Variants in UMAD1 observed in about 807,000 individuals in gnomAD.
The protein encoded by UMAD1 is UBAP1-MVB12-associated (UMA)-domain containing protein 1.
UMAD1 carries 8 observed loss-of-function variants against 6.1 expected under a neutral mutation model. That is an observed-to-expected ratio of 1.30 (90% CI 0.76 to 2.35). The LOEUF is 2.35. Ranked by LOEUF, UMAD1 falls within the 30% of genes most tolerant of loss-of-function variation. The probability of loss-of-function intolerance (pLI) is 0.00; values close to 1 mark genes in which losing one functional copy is unlikely to be tolerated. For missense variants in UMAD1, 130 were observed against 78.4 expected, an observed-to-expected ratio of 1.66 and a Z score of -2.49; for synonymous variants, 56 against 31.4, an observed-to-expected ratio of 1.78 and a Z score of -2.61.
At chr7:7,689,635 A>G (rs566761413) in intron 2 of UMAD1, among the ~76,000 whole-genome samples, 1 of 152,242 alleles carries the variant, frequency 6.6e-6, no homozygotes, top group Non-Finnish European at 1.5e-5. Flanking sequence ...ATGGAAATGT[A>G]TTTATATGTA....
At chr7:7,649,684 T>TG (rs1386571678) in intron 1 of UMAD1, among the ~76,000 whole-genome samples, 5 of 131,990 alleles carry the variant, frequency 3.8e-5, no homozygotes, top group African/African-American at 1.2e-4. Context: ...GTATTCTTGT[T>TG]GGTGGGGGGG....
At chr7:7,843,250 A>G (rs55643119) in intron 3 of UMAD1, among the ~76,000 whole-genome samples, 13,561 of 152,262 alleles carry the variant, frequency 0.089, 732 homozygotes, top group Non-Finnish European at 0.12. Context: ...AGGTGTCCCT[A>G]TCAGGGCCCA....
At chr7:7,789,580 A>G (rs538854328) in intron 2 of UMAD1, among the ~76,000 whole-genome samples, 4 of 152,018 alleles carry the variant, frequency 2.6e-5, no homozygotes, top group African/African-American at 9.7e-5. Flanking sequence ...TCTAGAACTA[A>G]AACTGAAACT....
chr7:7,685,235 G>A (rs1417838004), intron 2 of UMAD1, among the ~76,000 whole-genome samples: 5 of 151,588 alleles, frequency 3.3e-5, no homozygotes, highest in Admixed American at 1.3e-4. Flanking sequence ...ATCATATTGA[G>A]CATCTGTTTT....
chr7:7,699,010 A>G (rs955943890), intron 2 of UMAD1, among the ~76,000 whole-genome samples: 2 of 146,640 alleles, frequency 1.4e-5, no homozygotes, highest in Admixed American at 1.4e-4. Flanking sequence ...GTGCACCATC[A>G]TGCCCAGTTA....
intron 2 of UMAD1, among the ~76,000 whole-genome samples, chr7:7,750,773 A>G (rs535674282): frequency 1.3e-5 from 2 of 152,332 alleles, no homozygotes; most frequent in South Asian, 4.1e-4. Context: ...CGGAGCTGAG[A>G]TATAAACCCA....
chr7:7,702,533 G>A (rs78251653), intron 2 of UMAD1, among the ~76,000 whole-genome samples: 1 of 152,026 alleles, frequency 6.6e-6, no homozygotes, highest in South Asian at 2.1e-4. Context: ...ACTTGAAATA[G>A]CTATTTTCAT....
At chr7:7,822,608 A>G (rs1009864801) in intron 3 of UMAD1, among the ~76,000 whole-genome samples, 3 of 152,154 alleles carry the variant, frequency 2.0e-5, no homozygotes, top group Non-Finnish European at 4.4e-5. Flanking sequence ...CTCTCAGTTT[A>G]TATCTGTGCC....
chr7:7,748,340 C>A (rs575135912), intron 2 of UMAD1, among the ~76,000 whole-genome samples: 1 of 151,538 alleles, frequency 6.6e-6, no homozygotes, highest in Admixed American at 6.6e-5. Flanking sequence ...TTCCTTAAAC[C>A]AAATTATATT....
chr7:7,861,232 G>A (rs1583879615), intron 3 of UMAD1, among the ~76,000 whole-genome samples: 2 of 152,156 alleles, frequency 1.3e-5, no homozygotes, highest in East Asian at 3.8e-4. Flanking sequence ...AAATGGTTAA[G>A]ATGGTAAATT....
intron 3 of UMAD1, among the ~76,000 whole-genome samples, chr7:7,864,693 G>A (rs934514850): frequency 2.0e-5 from 3 of 149,948 alleles, no homozygotes; most frequent in Non-Finnish European, 3.0e-5. Context: ...TATCCATGTT[G>A]TAACATTGAA....
intron 2 of UMAD1, among the ~76,000 whole-genome samples, chr7:7,697,164 T>A (rs974882245): frequency 2.0e-5 from 3 of 152,204 alleles, no homozygotes; most frequent in Non-Finnish European, 4.4e-5. Flanking sequence ...GTCTTGATGA[T>A]CATAATCCAC....
chr7:7,697,919 C>A (rs1014396988), intron 2 of UMAD1, among the ~76,000 whole-genome samples: 1 of 152,180 alleles, frequency 6.6e-6, no homozygotes, highest in Non-Finnish European at 1.5e-5. Flanking sequence ...GATATTCCCT[C>A]AGCTCACCTT....
rs1191776127 is a variant in UMAD1 at position 7,741,873 on chromosome 7, AAAAAT to A, written c.83-59793_83-59789del. The A allele has an allele frequency of 2.8e-5, 6 of 210,682 alleles. No individual in the cohort carries two copies. In the East Asian group the frequency reaches 6.6e-4, roughly 23 times the overall value. The allele number at this position is 210,682 out of a possible 1,614,324, so 13.1% of individuals were successfully genotyped here. The stretch of plus-strand genomic sequence containing the variant: ...AAAATAGAACACCTTTGTAAAATGA[AAAAAT>A]AAAGTCATTTTTTACTACTAAACAA... On this transcript the variant is annotated intron_variant, in intron 2 of 3. Coordinates refer to ENST00000682710, the MANE Select transcript of UMAD1 (RefSeq NM_001302348.2).
chr7:7,801,371 T>C (rs1782795419), intron 2 of UMAD1, among the ~76,000 whole-genome samples: 1 of 152,204 alleles, frequency 6.6e-6, no homozygotes, highest in Admixed American at 6.5e-5. Flanking sequence ...GCTTTCCAAG[T>C]TTGTTTGAAA....
intron 2 of UMAD1, among the ~76,000 whole-genome samples, chr7:7,722,018 C>G (rs546005710): frequency 1.3e-5 from 2 of 152,180 alleles, no homozygotes; most frequent in South Asian, 4.1e-4. Flanking sequence ...TGGATGCTTC[C>G]TGTCCTTGAA....
intron 2 of UMAD1, among the ~76,000 whole-genome samples, chr7:7,705,305 TA>T (rs1168069995): frequency 1.3e-5 from 2 of 152,244 alleles, no homozygotes; most frequent in South Asian, 2.1e-4. Context: ...ATCTGACTTA[TA>T]AAAAAATAGA....
At chr7:7,792,920 G>A (rs531408586) in intron 2 of UMAD1, among the ~76,000 whole-genome samples, 2 of 152,062 alleles carry the variant, frequency 1.3e-5, no homozygotes, top group Non-Finnish European at 2.9e-5. Flanking sequence ...CCTTCTAAGG[G>A]CACTAATCAC....
intron 2 of UMAD1, among the ~76,000 whole-genome samples, chr7:7,782,502 A>ATT (rs1284260742): frequency 2.6e-5 from 4 of 151,278 alleles, no homozygotes; most frequent in African/African-American, 4.9e-5. Flanking sequence ...TAATAAAATA[A>ATT]TTTTTTATCA....
Sources: allele counts gnomAD v4.1 joint callset (sites outside exome capture counted in the v4.1 genomes callset), GRCh38; gene constraint gnomAD v4.1.1; transcripts MANE v1.5; gene names NCBI Gene and HGNC (gene_info 2026-07-23, HGNC 2026-07-21).